The following MCF2L variants were observed in gnomAD, a reference collection of about 807,000 sequenced individuals.
MCF2L encodes the protein MCF.2 cell line derived transforming sequence like, also known as guanine nucleotide exchange factor DBS.
MCF2L carries 97 observed loss-of-function variants against 153.4 expected under a neutral mutation model. The observed-to-expected ratio is 0.63, with a 90% CI of 0.54 to 0.75. The LOEUF (loss-of-function observed/expected upper bound fraction) is 0.75. Among genes scored for constraint, MCF2L ranks in the 30% least tolerant of loss-of-function variants. The pLI is 0.00. For missense variants in MCF2L, 1,347 were observed against 1,495.2 expected (o/e 0.90, Z 1.64); for synonymous variants, 659 against 632.2 (o/e 1.04, Z -0.64).
At chr13:112,962,034 T>C (rs1271149667) in intron 2 of MCF2L, among the ~76,000 whole-genome samples, 2 of 147,066 alleles carry the variant, frequency 1.4e-5, no homozygotes, top group African/African-American at 5.1e-5. Context: ...CACCCAGGCA[T>C]GCACACACAC....
At position 113,031,177 on chromosome 13, in the gene MCF2L, CA is replaced by C; in HGVS notation, c.278+6420del. ...GACAGAGAGAAGAGACAGAGAGTGA[CA>C]GACAGAGACAGAGAGACAGAGACAG... On this transcript the variant is annotated intron_variant, in intron 3 of 29. Transcript: ENST00000535094. This position sits in a 1 kb window ranked among gnomAD's most constrained non-coding sequence, Gnocchi z 5.5. Among the ~76,000 whole-genome samples, 1 of 98,176 alleles carries C rather than the reference CA, an allele frequency of 1.0e-5. No individual in the cohort carries two copies. Among genetic ancestry groups the C allele is most frequent in the Non-Finnish European group, 2.2e-5 (1 of 45,464 alleles). 64.4% of individuals were successfully genotyped at this position (98,176 alleles called of 152,430 possible). A position where few individuals can be genotyped will look rare whatever the true frequency, so the allele number is the denominator to read the frequency against.
chr13:113,079,944 T>C (rs1229303957), intron 15 of MCF2L, among the ~76,000 whole-genome samples: 1 of 147,740 alleles, frequency 6.8e-6, no homozygotes, highest in African/African-American at 2.5e-5. Flanking sequence ...GGAGTGTCCA[T>C]ACCGAGGAGA....
Position 113,082,548 on chromosome 13 carries a change from C to T in MCF2L, c.1991+6C>T. 6.3e-7 allele frequency: 1 copy of T among 1,580,108 alleles called. No individual in the cohort carries two copies. Among genetic ancestry groups the T allele is most frequent in the Non-Finnish European group, 8.7e-7 (1 of 1,149,594 alleles). On this transcript the variant is annotated splice_donor_region_variant and intron_variant, in intron 17 of 29. Transcript: ENST00000535094. ...ATCTATCACTTCCACAACAGGTGGG[C>T]CCTTCCCCCCGACACAGGCACGCAC...
intron 26 of MCF2L, among the ~76,000 whole-genome samples, chr13:113,092,157 C>G (rs959786982): frequency 5.9e-5 from 9 of 152,258 alleles, no homozygotes; most frequent in Non-Finnish European, 1.0e-4. Flanking sequence ...CGCTTGTGAA[C>G]TGGAGTCGGC....
intron 1 of MCF2L, among the ~76,000 whole-genome samples, chr13:112,994,360 G>A (rs2083029028): frequency 6.6e-6 from 1 of 151,570 alleles, no homozygotes; most frequent in Admixed American, 6.6e-5. Context: ...CAGTGTGGCT[G>A]CCAATGGGGC....
intron 2 of MCF2L, among the ~76,000 whole-genome samples, chr13:112,913,192 GTGTC>G (rs1254333870): frequency 6.6e-6 from 1 of 150,998 alleles, no homozygotes; most frequent in East Asian, 1.9e-4. Flanking sequence ...GATTGTGTGT[GTGTC>G]TGGTGTATCT....
At chr13:112,903,980 C>T (rs2081145551) in intron 2 of MCF2L, among the ~76,000 whole-genome samples, 1 of 152,162 alleles carries the variant, frequency 6.6e-6, no homozygotes, top group African/African-American at 2.4e-5. Flanking sequence ...CTGCCCTGAC[C>T]TCTGCAACTG....
chr13:112,942,533 C>T (rs747914323), intron 2 of MCF2L, among the ~76,000 whole-genome samples: 1 of 152,180 alleles, frequency 6.6e-6, no homozygotes, highest in Non-Finnish European at 1.5e-5. Flanking sequence ...ATCTCTTTGT[C>T]TTGTGTCTTT....
chr13:113,060,754 C>T, intron 5 of MCF2L, 42 bp downstream of exon 5: 1 of 1,605,554 alleles, frequency 6.2e-7, no homozygotes, highest in Admixed American at 1.7e-5. Context: ...CAGAACGGAA[C>T]TCATTGCCGT....
At chr13:112,954,976 A>G (rs4907475) in intron 2 of MCF2L, among the ~76,000 whole-genome samples, 46,316 of 152,020 alleles carry the variant, frequency 0.3, 8,296 homozygotes, top group African/African-American at 0.5. Flanking sequence ...GGAATCCAGC[A>G]GCCACAGTTT....
intron 2 of MCF2L, among the ~76,000 whole-genome samples, chr13:112,925,142 A>G (rs1439497216): frequency 6.6e-6 from 1 of 152,200 alleles, no homozygotes; most frequent in Non-Finnish European, 1.5e-5. Flanking sequence ...AGCATATGAG[A>G]ATGTGGTTGG....
chr13:112,976,148 T>A (rs1165281954), intron 1 of MCF2L, among the ~76,000 whole-genome samples: 1 of 151,882 alleles, frequency 6.6e-6, no homozygotes, highest in Non-Finnish European at 1.5e-5. Flanking sequence ...CCGGGTTTTT[T>A]TTTTTGTTTG....
At chr13:112,930,669 G>C (rs60088161) in intron 2 of MCF2L, among the ~76,000 whole-genome samples, 62 of 152,326 alleles carry the variant, frequency 4.1e-4, no homozygotes, top group African/African-American at 1.2e-3. Context: ...AAATTATTTA[G>C]GACATGCCTA....
In MCF2L at chr13:112,907,133, A is replaced by G. The variant is rs1001230905; in HGVS notation, c.169+4762A>G. 6.6e-6 allele frequency among the ~76,000 whole-genome samples: 1 copy of G among 152,028 alleles called. No individual in the cohort carries two copies. Among genetic ancestry groups the G allele is most frequent in the African/African-American group, 2.4e-5 (1 of 41,370 alleles). ...GCTTTATGGTAGGAGATTACACAGGATTCTGAGGGGGGACCTTGTCTCCAC... is the reference window on the plus strand; with the variant it reads ...GCTTTATGGTAGGAGATTACACAGGGTTCTGAGGGGGGACCTTGTCTCCAC... On this transcript the variant is annotated intron_variant, in intron 2 of 29. Transcript: ENST00000375608. The surrounding 1 kb of genome is among the most constrained non-coding windows in gnomAD (Gnocchi z 5.1).
Position 112,983,492 on chromosome 13 carries a change from T to G in MCF2L, c.79+14034T>G, listed in dbSNP as rs1264957617. On this transcript the variant is annotated intron_variant, in intron 1 of 29. Transcript: ENST00000535094. The surrounding 1 kb of genome is among the most constrained non-coding windows in gnomAD (Gnocchi z 4.0). ...CGGGGCTTAAGTCAAGCTCTGTAAA[T>G]GCGGCACCCGACGTCTGAGGCCCGC... 6.6e-6 allele frequency among the ~76,000 whole-genome samples: 1 copy of G among 152,134 alleles called. No homozygotes were observed. Among genetic ancestry groups the G allele is most frequent in the Non-Finnish European group, 1.5e-5 (1 of 68,018 alleles).
chr13:112,984,897 G>T (rs944244241), intron 1 of MCF2L, among the ~76,000 whole-genome samples: 13 of 152,106 alleles, frequency 8.5e-5, no homozygotes, highest in Non-Finnish European at 1.6e-4. Flanking sequence ...TGCCAGTGGT[G>T]TCAGCATTTG....
intron 3 of MCF2L, among the ~76,000 whole-genome samples, chr13:113,030,672 G>A (rs1329781139): frequency 6.6e-6 from 1 of 152,242 alleles, no homozygotes; most frequent in Non-Finnish European, 1.5e-5. Context: ...TCAGAGGGCA[G>A]GTTCGGATCT....
intron 1 of MCF2L, among the ~76,000 whole-genome samples, chr13:113,002,992 G>T (rs1291654753): frequency 6.9e-6 from 1 of 144,416 alleles, no homozygotes; most frequent in Non-Finnish European, 1.5e-5. Flanking sequence ...AACATACCAA[G>T]ACCTCATCTG....
Position 113,070,021 on chromosome 13 carries a change from G to A in MCF2L, c.882-38G>A, listed in dbSNP as rs186244180. The A allele has an allele frequency of 1.2e-5, 18 of 1,490,958 alleles. No individual in the cohort carries two copies. In the Admixed American group the frequency reaches 1.5e-4, roughly 12 times the overall value. 92.4% of individuals were successfully genotyped at this position (1,490,958 alleles called of 1,614,324 possible). A position where few individuals can be genotyped will look rare whatever the true frequency, so the allele number is the denominator to read the frequency against. ...CGCGCTCCACGTTGCATGGGGCGCC[G>A]TGGGCCACACAGACGGTCAACTCCT... On this transcript the variant is annotated intron_variant, in intron 8 of 29. Transcript: ENST00000535094. The surrounding 1 kb of genome is among the most constrained non-coding windows in gnomAD (Gnocchi z 5.6).
Sources: allele counts gnomAD v4.1 joint callset (sites outside exome capture counted in the v4.1 genomes callset), GRCh38; gene constraint gnomAD v4.1.1; non-coding constraint Gnocchi (gnomAD v3.1); transcripts MANE v1.5; gene names NCBI Gene and HGNC (gene_info 2026-07-23, HGNC 2026-07-21).